Variants in FERMT1 observed in about 807,000 individuals in gnomAD.
The protein encoded by FERMT1 is FERM domain containing kindlin 1.
FERMT1 carries 60 observed loss-of-function variants against 85.3 expected under a neutral mutation model. That is an observed-to-expected ratio of 0.70 (90% CI 0.57 to 0.87). The LOEUF (loss-of-function observed/expected upper bound fraction) is 0.87, where lower values mean the gene tolerates loss of function less well. FERMT1 is among the 40% of genes least tolerant of loss of function. The pLI, the probability that FERMT1 is intolerant of heterozygous loss-of-function variation, is 0.00. For missense variants in FERMT1, 701 were observed against 818.9 expected (o/e 0.86, Z 1.76); for synonymous variants, 275 against 301.1 (o/e 0.91, Z 0.90).
chr20:6,085,866 TGTG>T (rs1195728386), intron 11 of FERMT1, among the ~76,000 whole-genome samples: 1 of 143,040 alleles, frequency 7.0e-6, no homozygotes, highest in East Asian at 2.1e-4. Context: ...AAATACCAGG[TGTG>T]GTGGCTGACA....
chr20:6,102,202 A>G (rs1051808409), intron 6 of FERMT1, among the ~76,000 whole-genome samples: 1 of 151,990 alleles, frequency 6.6e-6, no homozygotes, highest in African/African-American at 2.4e-5. Flanking sequence ...TTCTCCAGAG[A>G]CAATGCTGCA....
Position 6,112,458 on chromosome 20 carries a change from C to T in FERMT1, c.532+19G>A. Reference sequence around the variant, plus strand: ...TTTACTGTACGTTCAAACAACAAAACACCTGTAACAAGTCTTACCTGATGA... The same window carrying T: ...TTTACTGTACGTTCAAACAACAAAATACCTGTAACAAGTCTTACCTGATGA... On this transcript the variant is annotated intron_variant, in intron 4 of 14. Coordinates refer to ENST00000217289, the MANE Select transcript of FERMT1 (RefSeq NM_017671.5). The T allele has an allele frequency of 6.2e-7, 1 of 1,612,636 alleles. No homozygotes were observed. Among genetic ancestry groups the T allele is most frequent in the Non-Finnish European group, 8.5e-7 (1 of 1,178,844 alleles).
intron 2 of FERMT1, among the ~76,000 whole-genome samples, chr20:6,117,132 G>A (rs150808980): frequency 2.6e-4 from 39 of 152,134 alleles, no homozygotes; most frequent in South Asian, 6.2e-4. Context: ...CTCCTTTAAC[G>A]TTGGCATTAA....
chr20:6,080,974 G>C (rs749989596), intron 13 of FERMT1, among the ~76,000 whole-genome samples: 18 of 152,180 alleles, frequency 1.2e-4, no homozygotes, highest in South Asian at 6.2e-4. Context: ...AGTAGAGATT[G>C]AGAAGAGGAA....
intron 5 of FERMT1, among the ~76,000 whole-genome samples, chr20:6,109,784 C>T (rs1312716396): frequency 6.6e-6 from 1 of 151,974 alleles, no homozygotes; most frequent in African/African-American, 2.4e-5. Context: ...GCCTGTAATC[C>T]CAGCTACTCA....
At chr20:6,093,715 G>A (rs1014718449) in intron 9 of FERMT1, among the ~76,000 whole-genome samples, 2 of 152,224 alleles carry the variant, frequency 1.3e-5, no homozygotes, top group East Asian at 3.9e-4. Context: ...CCAGCACTTT[G>A]GGAGGCCAAG....
chr20:6,107,053 G>A lies in FERMT1; in HGVS notation c.849+479C>T, dbSNP rs577770257. Among the ~76,000 whole-genome samples the A allele has an allele frequency of 2.6e-5, 4 of 152,168 alleles. No homozygotes were observed. In the South Asian group the frequency reaches 6.2e-4, roughly 24 times the overall value. ...TTTACTAAAAACATAAAAATTAGCTGGGCATGGTTGCATGAGCCTGTAGTT... is the reference window on the plus strand; with the variant it reads ...TTTACTAAAAACATAAAAATTAGCTAGGCATGGTTGCATGAGCCTGTAGTT... On this transcript the variant is annotated intron_variant, in intron 6 of 14. Transcript: ENST00000217289.
chr20:6,108,046 A>G (rs1486054783), intron 5 of FERMT1, among the ~76,000 whole-genome samples: 4 of 152,096 alleles, frequency 2.6e-5, no homozygotes, highest in Non-Finnish European at 5.9e-5. Flanking sequence ...TTTTATTTTC[A>G]GTAGAGAGGG....
chr20:6,114,762 T>A (rs1301190459), intron 3 of FERMT1, among the ~76,000 whole-genome samples: 1 of 152,220 alleles, frequency 6.6e-6, no homozygotes, highest in East Asian at 1.9e-4. Flanking sequence ...CTACTTCATA[T>A]ACCATACCAG....
At chr20:6,109,232 C>A (rs561092230) in intron 5 of FERMT1, among the ~76,000 whole-genome samples, 1 of 152,240 alleles carries the variant, frequency 6.6e-6, no homozygotes, top group South Asian at 2.1e-4. Flanking sequence ...TTGGAGTGAG[C>A]AAAGTGTCAG....
rs4611709 is a variant in FERMT1 at position 6,083,748 on chromosome 20, T to A, written c.1718+292A>T. Among the ~76,000 whole-genome samples the A allele has an allele frequency of 0.32, 44,666 of 137,862 alleles. 7,457 individuals are homozygous for A. Among genetic ancestry groups the A allele is most frequent in the East Asian group, 0.63 (3,020 of 4,790 alleles). The allele number at this position is 137,862 out of a possible 152,430, so 90.4% of individuals were successfully genotyped here. ...AAAAGAAGTTACAGATTTCATAAAA[T>A]CAATATGTGATGTTTACCCTCTGGT... On this transcript the variant is annotated intron_variant, in intron 13 of 14. Transcript: ENST00000217289.
In FERMT1 at chr20:6,088,951, T is replaced by C. The variant is rs111975159; in HGVS notation, c.1264+14A>G. The C allele has an allele frequency of 0.064, 102,246 of 1,607,144 alleles. 3,765 individuals carry two copies. The highest frequency in any genetic ancestry group is 0.12 in the Middle Eastern group (708 of 6,020). Reference sequence around the variant, plus strand: ...ACTTACGATGAGCCACAGCAAGATATAGGGTACTCTTACCTCTAAGATTTA... The same window carrying C: ...ACTTACGATGAGCCACAGCAAGATACAGGGTACTCTTACCTCTAAGATTTA... On this transcript the variant is annotated intron_variant, in intron 10 of 14. Transcript: ENST00000217289.
At chr20:6,090,884 C>T (rs1159049586) in intron 9 of FERMT1, among the ~76,000 whole-genome samples, 1 of 151,984 alleles carries the variant, frequency 6.6e-6, no homozygotes, top group East Asian at 1.9e-4. Flanking sequence ...TATTTATTTG[C>T]TGGGTGCGGT....
In FERMT1 at chr20:6,076,978, C is replaced by T. The variant is rs968437153; in HGVS notation, c.*195G>A. ...ATAGAAAAAACAAGAGAGGCTCCTT[C>T]CGTGGCTGGTAGCACAGGGCAAAGT... is the stretch of plus-strand genomic sequence containing the variant. On this transcript the variant is annotated 3_prime_UTR_variant, in exon 15 of 15. Coordinates refer to ENST00000217289, the MANE Select transcript of FERMT1 (RefSeq NM_017671.5). The T allele has an allele frequency of 4.8e-6, 3 of 618,940 alleles. No homozygotes were observed. Among genetic ancestry groups the T allele is most frequent in the Non-Finnish European group, 8.6e-6 (3 of 349,952 alleles). 38.3% of individuals were successfully genotyped at this position (618,940 alleles called of 1,614,324 possible). A position where few individuals can be genotyped will look rare whatever the true frequency, so the allele number is the denominator to read the frequency against.
At chr20:6,088,630 T>C (rs1009338576) in intron 10 of FERMT1, among the ~76,000 whole-genome samples, 1 of 148,736 alleles carries the variant, frequency 6.7e-6, no homozygotes. Context: ...TCACCTCTTT[T>C]TTTTTTTTTT....
At chr20:6,080,884 C>T (rs751270212) in intron 13 of FERMT1, among the ~76,000 whole-genome samples, 2 of 152,154 alleles carry the variant, frequency 1.3e-5, no homozygotes, top group Non-Finnish European at 2.9e-5. Flanking sequence ...GTTCAAGAGA[C>T]AGTTCTGGGC....
At chr20:6,095,823 T>G (rs575448184) in intron 8 of FERMT1, among the ~76,000 whole-genome samples, 96 of 152,310 alleles carry the variant, frequency 6.3e-4, no homozygotes, top group Non-Finnish European at 1.1e-3. Context: ...CAGTTTCTTA[T>G]TTTAGGACAT....
At chr20:6,107,842 CTCACT>C (rs1982841298) in intron 5 of FERMT1, among the ~76,000 whole-genome samples, 1 of 152,134 alleles carries the variant, frequency 6.6e-6, no homozygotes, top group Non-Finnish European at 1.5e-5. Flanking sequence ...AAAGGAAATG[CTCACT>C]GAAGCATTTT....
chr20:6,115,735 G>C, intron 3 of FERMT1, 76 bp downstream of exon 3: 1 of 1,069,600 alleles, frequency 9.3e-7, no homozygotes, highest in Non-Finnish European at 1.5e-6. Flanking sequence ...CTTGAAGTAG[G>C]CAGAATGCAC....
Sources: allele counts gnomAD v4.1 joint callset (sites outside exome capture counted in the v4.1 genomes callset), GRCh38; gene constraint gnomAD v4.1.1; transcripts MANE v1.5; gene names NCBI Gene and HGNC (gene_info 2026-07-23, HGNC 2026-07-21).